The following VWA8 variants were observed in gnomAD, a reference collection of about 807,000 sequenced individuals.
The protein encoded by VWA8 is von Willebrand factor A domain-containing protein 8.
VWA8 carries 221 observed loss-of-function variants against 241.5 expected under a neutral mutation model. That is an observed-to-expected ratio of 0.91 (90% confidence interval 0.82 to 1.02). The LOEUF (loss-of-function observed/expected upper bound fraction) is 1.02, where lower values mean the gene tolerates loss of function less well. VWA8 is among the 50% of genes least tolerant of loss of function. The pLI is 0.00. For synonymous variants in VWA8, 852 were observed against 827.1 expected (o/e 1.03, Z -0.52); for missense variants, 2,322 against 2,328.7 (o/e 1.00, Z 0.06).
intron 42 of VWA8, among the ~76,000 whole-genome samples, chr13:41,585,214 T>C (rs895741569): frequency 3.9e-5 from 6 of 152,202 alleles, no homozygotes; most frequent in African/African-American, 1.4e-4. Context: ...ACTGAATAAA[T>C]GGAGATCTTT....
chr13:41,658,441 A>G (rs925185390), intron 37 of VWA8, among the ~76,000 whole-genome samples: 1 of 152,220 alleles, frequency 6.6e-6, no homozygotes, highest in African/African-American at 2.4e-5. Flanking sequence ...TTATATAAAT[A>G]TCTCTCTCAC....
chr13:41,571,366 C>CTCCCT, intron 43 of VWA8, among the ~76,000 whole-genome samples: 1 of 145,572 alleles, frequency 6.9e-6, no homozygotes, highest in Non-Finnish European at 1.5e-5. Flanking sequence ...TCCCTCTCCC[C>CTCCCT]GGTCTCCCTC....
chr13:41,930,505 T>C (rs191695036), intron 2 of VWA8, among the ~76,000 whole-genome samples: 7 of 152,234 alleles, frequency 4.6e-5, no homozygotes, highest in African/African-American at 9.6e-5. Context: ...ATGATACAGG[T>C]TGAGCAGCTC....
intron 12 of VWA8, among the ~76,000 whole-genome samples, chr13:41,859,091 T>G (rs1228909657): frequency 6.7e-6 from 1 of 148,866 alleles, no homozygotes; most frequent in African/African-American, 2.5e-5. Flanking sequence ...AAAAAAAAAA[T>G]TTAAAAAGTC....
chr13:41,605,532 G>T (rs2044548318), intron 39 of VWA8, among the ~76,000 whole-genome samples: 1 of 152,108 alleles, frequency 6.6e-6, no homozygotes, highest in African/African-American at 2.4e-5. Flanking sequence ...TGATTTCCAT[G>T]ATGTAAACAT....
chr13:41,917,696 A>T (rs986369626), intron 2 of VWA8, among the ~76,000 whole-genome samples: 1 of 152,210 alleles, frequency 6.6e-6, no homozygotes, highest in South Asian at 2.1e-4. Flanking sequence ...TAGGCTCCTG[A>T]GTTTACACTC....
intron 24 of VWA8, among the ~76,000 whole-genome samples, chr13:41,723,964 A>G (rs1012946964): frequency 1.3e-5 from 2 of 152,210 alleles, no homozygotes; most frequent in African/African-American, 4.8e-5. Context: ...ACAAGCTCCA[A>G]CAAATAAGGC....
Position 41,732,167 on chromosome 13 carries a change from C to T in VWA8, c.2427-12G>A, listed in dbSNP as rs749312328. 55 of 1,604,442 alleles carry T rather than the reference C, an allele frequency of 3.4e-5. No homozygotes were observed. Among genetic ancestry groups the T allele is most frequent in the Non-Finnish European group, 4.4e-5 (52 of 1,174,432 alleles). On this transcript the variant is annotated splice_polypyrimidine_tract_variant and intron_variant, in intron 21 of 44. Transcript: ENST00000379310. Reference sequence around the variant, plus strand: ...GTACTGTGGTATCCCTAAAGTAAAACCAACACATTTTATAGTTAGGAAGGA... The same window carrying T: ...GTACTGTGGTATCCCTAAAGTAAAATCAACACATTTTATAGTTAGGAAGGA...
At chr13:41,656,472 T>C (rs1487797236) in intron 37 of VWA8, among the ~76,000 whole-genome samples, 1 of 152,220 alleles carries the variant, frequency 6.6e-6, no homozygotes, top group Non-Finnish European at 1.5e-5. Context: ...ACTGTTATGC[T>C]ACCAGAACAC....
chr13:41,789,559 A>T (rs1187242658), intron 17 of VWA8, among the ~76,000 whole-genome samples: 1 of 152,216 alleles, frequency 6.6e-6, no homozygotes, highest in Non-Finnish European at 1.5e-5. Context: ...GGGAAAGTCA[A>T]AAAGAGAAGT....
chr13:41,960,945 A>G lies in VWA8; in HGVS notation c.71T>C (p.Leu24Pro), dbSNP rs1282771485. 6.8e-7 allele frequency: 1 copy of G among 1,477,922 alleles called. No homozygotes were observed. Among genetic ancestry groups the G allele is most frequent in the South Asian group, 1.3e-5 (1 of 77,598 alleles). The allele number at this position is 1,477,922 out of a possible 1,614,324, so 91.6% of individuals were successfully genotyped here. The change falls in exon 1 of 45, where the codon CTG becomes CCG. Residue 24 changes from leucine to proline, a missense_variant. By Grantham distance (98) the Leu-to-Pro change is moderately conservative. Transcript: ENST00000379310. ...HGGPASRRMRLLLRQVVQRRP... is the reference protein window; with the variant it reads ...HGGPASRRMRPLLRQVVQRRP... ...GCGCTGCACCACCTGCCGCAGGAGCAGCCGCATGCGCCGCGAGGCCGGGCC... is the reference window on the plus strand; with the variant it reads ...GCGCTGCACCACCTGCCGCAGGAGCGGCCGCATGCGCCGCGAGGCCGGGCC...
Position 41,778,075 on chromosome 13 carries a change from G to A in VWA8, c.2278-19C>T, listed in dbSNP as rs774194524. ...TCACATGCTAGAGAAAAAGGAACTA[G>A]GGGTTAACTGTTTTGTACAATCAAG... On this transcript the variant is annotated intron_variant, in intron 19 of 44. Transcript: ENST00000379310. 1 of 1,594,702 alleles carries A rather than the reference G, an allele frequency of 6.3e-7. No homozygotes were observed. The highest frequency in any genetic ancestry group is 1.4e-5 in the African/African-American group (1 of 74,058).
At chr13:41,605,321 T>C in intron 39 of VWA8, 45 bp from the exon 40 acceptor site, 1 of 1,589,634 alleles carries the variant, frequency 6.3e-7, no homozygotes, top group Non-Finnish European at 8.6e-7. Context: ...AAATCACGTA[T>C]ATGTGGGTTT....
At chr13:41,603,155 T>A (rs1355274708) in intron 40 of VWA8, among the ~76,000 whole-genome samples, 1 of 152,186 alleles carries the variant, frequency 6.6e-6, no homozygotes, top group Non-Finnish European at 1.5e-5. Flanking sequence ...TTGTTTTCCA[T>A]GCATTTAATC....
chr13:41,677,102 G>A (rs2137804530), intron 35 of VWA8, among the ~76,000 whole-genome samples: 1 of 152,146 alleles, frequency 6.6e-6, no homozygotes, highest in South Asian at 2.1e-4. Flanking sequence ...TTTCTTTTGG[G>A]ATTTCAACAT....
chr13:41,641,977 T>C (rs936920295), intron 37 of VWA8, among the ~76,000 whole-genome samples: 2 of 152,354 alleles, frequency 1.3e-5, no homozygotes, highest in African/African-American at 4.8e-5. Context: ...CGGTCATATG[T>C]CTTGCTGTGC....
intron 2 of VWA8, among the ~76,000 whole-genome samples, chr13:41,921,150 G>A (rs1007114653): frequency 6.6e-6 from 1 of 152,112 alleles, no homozygotes; most frequent in African/African-American, 2.4e-5. Context: ...ATCAATAAAC[G>A]TAATCCAGCA....
chr13:41,936,394 A>G (rs1308396092), intron 2 of VWA8, among the ~76,000 whole-genome samples: 1 of 152,134 alleles, frequency 6.6e-6, no homozygotes, highest in Non-Finnish European at 1.5e-5. Context: ...GGTTTTTCTC[A>G]TCAATTTACA....
intron 39 of VWA8, among the ~76,000 whole-genome samples, chr13:41,609,580 C>A (rs1336528206): frequency 1.3e-5 from 2 of 152,006 alleles, no homozygotes; most frequent in Admixed American, 1.3e-4. Flanking sequence ...TTGAAAAGTT[C>A]CTAGTAAAAG....
Sources: gnomAD v4.1 joint callset for allele counts (sites outside exome capture counted in the v4.1 genomes callset) on GRCh38, gnomAD v4.1.1 for gene constraint, MANE v1.5 for transcripts, NCBI Gene and HGNC (gene_info 2026-07-23, HGNC 2026-07-21) for gene names.